TMCO1: variants seen among roughly 807,000 people sequenced by gnomAD.
TMCO1 encodes transmembrane and coiled-coil domains 1.
In TMCO1, 29 loss-of-function variants were observed where a neutral mutation model predicts 29.3. The observed-to-expected ratio is 0.99, with a 90% CI of 0.74 to 1.35. The LOEUF is 1.35. Among genes scored for constraint, TMCO1 ranks in the 40% most tolerant of loss-of-function variants. The pLI is 0.00. For synonymous variants in TMCO1, 80 were observed against 77.1 expected (o/e 1.04, Z -0.20); for missense variants, 173 against 225.5 (o/e 0.77, Z 1.49).
intron 4 of TMCO1, among the ~76,000 whole-genome samples, chr1:165,752,412 C>A (rs910925632): frequency 1.3e-5 from 2 of 151,596 alleles, no homozygotes; most frequent in Non-Finnish European, 2.9e-5. Flanking sequence ...CCCGCCACCA[C>A]GCTTGGCTGA....
intron 5 of TMCO1, among the ~76,000 whole-genome samples, chr1:165,750,310 T>C (rs56793439): frequency 0.013 from 2,010 of 151,850 alleles, 53 homozygotes; most frequent in African/African-American, 0.047. Flanking sequence ...GAGGCCAAGG[T>C]GAGCAAATCA....
At chr1:165,736,940 G>A (rs1280751704) in intron 6 of TMCO1, among the ~76,000 whole-genome samples, 1 of 152,110 alleles carries the variant, frequency 6.6e-6, no homozygotes, top group Non-Finnish European at 1.5e-5. Flanking sequence ...CCCAGCAGCT[G>A]GGATTACAGG....
chr1:165,730,262 A>G (rs1401255903), intron 6 of TMCO1, among the ~76,000 whole-genome samples: 1 of 151,950 alleles, frequency 6.6e-6, no homozygotes, highest in African/African-American at 2.4e-5. Flanking sequence ...CACGAACCCC[A>G]GGGGGCGGAG....
chr1:165,725,792 G>C (rs1362071899), downstream of TMCO1: 1 of 458,920 alleles, frequency 2.2e-6, no homozygotes, highest in Non-Finnish European at 4.3e-6. Context: ...TCTTGTGATA[G>C]TTTTATTTCC....
At chr1:165,768,890 C>T (rs1652691380), upstream of TMCO1, 4 of 1,550,340 alleles carry the variant, frequency 2.6e-6, no homozygotes, top group Middle Eastern at 1.7e-4. Context: ...GATCGCACTT[C>T]CGCTTCCGGG....
At chr1:165,752,255 T>G in intron 4 of TMCO1, 86 bp from the exon 5 acceptor site, 3 of 602,292 alleles carry the variant, frequency 5.0e-6, no homozygotes, top group Non-Finnish European at 5.2e-6. Flanking sequence ...TCATGTCATT[T>G]TTTTTTTTTT....
intron 6 of TMCO1, among the ~76,000 whole-genome samples, chr1:165,739,638 C>T (rs1166312049): frequency 2.0e-5 from 3 of 152,130 alleles, no homozygotes; most frequent in Admixed American, 6.6e-5. Flanking sequence ...ACCTGCTCGC[C>T]TTGGCCTCCC....
chr1:165,745,406 G>A (rs1450654264), intron 5 of TMCO1, among the ~76,000 whole-genome samples: 1 of 148,342 alleles, frequency 6.7e-6, no homozygotes, highest in East Asian at 2.0e-4. Context: ...AGAGGCCGAG[G>A]CAGGAGGATC....
At chr1:165,730,598 T>C (rs1357877600) in intron 6 of TMCO1, among the ~76,000 whole-genome samples, 2 of 152,172 alleles carry the variant, frequency 1.3e-5, no homozygotes, top group Non-Finnish European at 2.9e-5. Context: ...GATCAGACTT[T>C]GTATTTCTTT....
At chr1:165,738,501 T>A (rs1176005937) in intron 6 of TMCO1, among the ~76,000 whole-genome samples, 2 of 152,130 alleles carry the variant, frequency 1.3e-5, no homozygotes, top group East Asian at 3.8e-4. Context: ...TAACCTAAGA[T>A]CTTAAAAAGC....
chr1:165,756,929 T>C (rs1385500605), intron 3 of TMCO1, among the ~76,000 whole-genome samples: 18 of 152,014 alleles, frequency 1.2e-4, no homozygotes. Flanking sequence ...AATGAAACTA[T>C]ATAGGATCAG....
chr1:165,731,860 C>T (rs2101787599), intron 6 of TMCO1, among the ~76,000 whole-genome samples: 1 of 152,352 alleles, frequency 6.6e-6, no homozygotes, highest in Admixed American at 6.5e-5. Flanking sequence ...GCTCTTGCCA[C>T]AGACCCGTTT....
intron 3 of TMCO1, among the ~76,000 whole-genome samples, chr1:165,758,193 C>A (rs1437617997): frequency 6.6e-6 from 1 of 152,188 alleles, no homozygotes; most frequent in Non-Finnish European, 1.5e-5. Context: ...TGTGACACTA[C>A]TACTTTCCAA....
At chr1:165,724,761 A>T, downstream of TMCO1, 1 of 453,814 alleles carries the variant, frequency 2.2e-6, no homozygotes, top group Non-Finnish European at 4.4e-6. Context: ...TCTATAGACA[A>T]CACATTATAT....
intron 3 of TMCO1, among the ~76,000 whole-genome samples, chr1:165,756,345 C>G (rs1652191848): frequency 1.3e-5 from 2 of 152,074 alleles, no homozygotes; most frequent in African/African-American, 4.8e-5. Flanking sequence ...AGATCCCTGT[C>G]CAGCTTTTTC....
downstream of TMCO1, chr1:165,724,986 TTCTCTCTCTCTCTCTCTCTCTC>T (rs61515012): frequency 2.9e-4 from 107 of 373,174 alleles, 1 homozygote; most frequent in African/African-American, 2.0e-3. Flanking sequence ...TATTCTCTCT[TTCTCTCTCTCTCTCTCTCTCTC>T]TCTCTCTCTC....
At chr1:165,746,447 C>T (rs1302019274) in intron 5 of TMCO1, among the ~76,000 whole-genome samples, 2 of 83,198 alleles carry the variant, frequency 2.4e-5, no homozygotes, top group Non-Finnish European at 4.7e-5. Flanking sequence ...GCTTGGAAGA[C>T]CTATATCACA....
At chr1:165,730,268 C>G (rs1317364430) in intron 6 of TMCO1, among the ~76,000 whole-genome samples, 1 of 151,886 alleles carries the variant, frequency 6.6e-6, no homozygotes, top group Admixed American at 6.6e-5. Flanking sequence ...CCCCAGGGGG[C>G]GGAGCCTGCA....
intron 6 of TMCO1, among the ~76,000 whole-genome samples, chr1:165,734,927 G>A (rs560862001): frequency 6.6e-6 from 1 of 152,232 alleles, no homozygotes; most frequent in African/African-American, 2.4e-5. Context: ...AAATAAAATA[G>A]GGTAGAAAAC....
Sources: gnomAD v4.1 joint callset for allele counts (sites outside exome capture counted in the v4.1 genomes callset) on GRCh38, gnomAD v4.1.1 for gene constraint, MANE v1.5 for transcripts, NCBI Gene and HGNC (gene_info 2026-07-23, HGNC 2026-07-21) for gene names.